The following GRIN2A variants were observed in gnomAD, a reference collection of about 807,000 sequenced individuals.
GRIN2A encodes the protein glutamate receptor ionotropic, NMDA 2A.
A neutral mutation model predicts 113.4 loss-of-function variants in GRIN2A; 22 were observed. That is an observed-to-expected ratio of 0.19 (90% CI 0.14 to 0.28). The LOEUF (loss-of-function observed/expected upper bound fraction) is 0.28. GRIN2A is among the 10% of genes least tolerant of loss of function. The pLI, the probability that GRIN2A is intolerant of heterozygous loss-of-function variation, is 1.00. For missense variants in GRIN2A, 1,502 were observed against 1,887.0 expected, an observed-to-expected ratio of 0.80 and a Z score of 3.78; for synonymous variants, 827 against 738.4, an observed-to-expected ratio of 1.12 and a Z score of -1.94.
intron 2 of GRIN2A, among the ~76,000 whole-genome samples, chr16:10,051,440 T>G (rs978375666): frequency 1.3e-5 from 2 of 152,062 alleles, no homozygotes; most frequent in Non-Finnish European, 2.9e-5. Flanking sequence ...TTCACAGGAG[T>G]ATCCCCAGAG....
chr16:10,167,908 G>C (rs537881577), intron 2 of GRIN2A, among the ~76,000 whole-genome samples: 113 of 152,316 alleles, frequency 7.4e-4, no homozygotes, highest in African/African-American at 2.6e-3. Flanking sequence ...GCCATAAGCA[G>C]ATGTTCCAAA....
intron 3 of GRIN2A, among the ~76,000 whole-genome samples, chr16:9,897,901 TG>T (rs993934873): frequency 3.9e-5 from 6 of 152,288 alleles, no homozygotes; most frequent in African/African-American, 1.4e-4. Flanking sequence ...GCCACAGAGC[TG>T]GTGCTGAACA....
intron 8 of GRIN2A, among the ~76,000 whole-genome samples, chr16:9,831,020 T>C (rs751480012): frequency 4.6e-5 from 7 of 152,184 alleles, no homozygotes; most frequent in African/African-American, 7.2e-5. Flanking sequence ...GAATTCCTGA[T>C]TCATGAATAC....
Position 10,180,667 on chromosome 16 carries a change from C to T in GRIN2A, c.-18-238G>A. ...TCCATCCCCCAGCCCCTTCTCGCATCCAGCTTCCTCATCCCCTGTCTCCAG... is the reference window on the plus strand; with the variant it reads ...TCCATCCCCCAGCCCCTTCTCGCATTCAGCTTCCTCATCCCCTGTCTCCAG... On this transcript the variant is annotated intron_variant, in intron 1 of 12. Transcript: ENST00000330684. The surrounding 1 kb of genome is among the most constrained non-coding windows in gnomAD (Gnocchi z 7.0). 3.1e-6 allele frequency: 2 copies of T among 639,956 alleles called. No individual in the cohort carries two copies. Among genetic ancestry groups the T allele is most frequent in the South Asian group, 1.9e-5 (1 of 51,388 alleles). The allele number at this position is 639,956 out of a possible 1,614,324, so 39.6% of individuals were successfully genotyped here.
At chr16:9,805,099 A>G (rs887277976) in intron 10 of GRIN2A, among the ~76,000 whole-genome samples, 2 of 152,016 alleles carry the variant, frequency 1.3e-5, no homozygotes, top group South Asian at 2.1e-4. Context: ...TGAAAGTCCA[A>G]TCCTAGCCCC....
At chr16:10,116,304 C>A (rs1056820342) in intron 2 of GRIN2A, among the ~76,000 whole-genome samples, 1 of 152,100 alleles carries the variant, frequency 6.6e-6, no homozygotes, top group Non-Finnish European at 1.5e-5. Context: ...GAACACACAC[C>A]AGAGTCTGTT....
chr16:9,967,150 G>A (rs1163070231), intron 2 of GRIN2A, among the ~76,000 whole-genome samples: 6 of 152,116 alleles, frequency 3.9e-5, no homozygotes, highest in African/African-American at 7.2e-5. Flanking sequence ...TGGTAATAAA[G>A]AATATGAATT....
intron 2 of GRIN2A, among the ~76,000 whole-genome samples, chr16:9,986,714 G>T (rs1242855798): frequency 6.9e-6 from 1 of 145,844 alleles, no homozygotes; most frequent in Non-Finnish European, 1.5e-5. Flanking sequence ...GCAATGAGCT[G>T]AGATCACGCC....
rs573118297 is a variant in GRIN2A, at chr16:10,070,029, A to G, written c.414+109969T>C. Among the ~76,000 whole-genome samples, 34 of 152,268 alleles carry G rather than the reference A, an allele frequency of 2.2e-4. No homozygotes were observed. The South Asian group carries it at 6.4e-3, about 29-fold the overall frequency. On this transcript the variant is annotated intron_variant, in intron 2 of 12. Transcript: ENST00000330684. ...TCCTACTTCTGTTTCTCTAAGCTCA[A>G]TGACAATGTTCCCCACTCCAGCAGC... is the stretch of plus-strand genomic sequence containing the variant.
chr16:9,786,353 T>A (rs1462891516), intron 11 of GRIN2A, among the ~76,000 whole-genome samples: 2 of 152,142 alleles, frequency 1.3e-5, no homozygotes, highest in African/African-American at 2.4e-5. Flanking sequence ...ACTGGCAGGG[T>A]TGAATGATCT....
At chr16:9,944,036 G>A (rs1376687220) in intron 2 of GRIN2A, among the ~76,000 whole-genome samples, 1 of 152,136 alleles carries the variant, frequency 6.6e-6, no homozygotes, top group East Asian at 1.9e-4. Flanking sequence ...GGGGCAGGAG[G>A]CTTACACCCA....
chr16:9,939,172 TTAA>T lies in GRIN2A; in HGVS notation c.415-624_415-622del, dbSNP rs547519266. 3.3e-5 allele frequency among the ~76,000 whole-genome samples: 5 copies of T among 152,266 alleles called. No homozygotes were observed. The South Asian group carries it at 1.0e-3, about 32-fold the overall frequency. On this transcript the variant is annotated intron_variant, in intron 2 of 12. Transcript: ENST00000330684. ...TTATCGAACACCTTATTAAGTGTTC[TTAA>T]TAAGAATTAAGTGGAAGACAACTTC...
intron 3 of GRIN2A, among the ~76,000 whole-genome samples, chr16:9,932,298 G>C (rs2044610973): frequency 6.6e-6 from 1 of 152,164 alleles, no homozygotes; most frequent in African/African-American, 2.4e-5. Context: ...GACATTTTTT[G>C]AATGAACAAA....
Position 9,950,588 on chromosome 16 carries a change from T to C in GRIN2A, c.415-12037A>G, listed in dbSNP as rs565965504. Among the ~76,000 whole-genome samples, 19 of 152,312 alleles carry C rather than the reference T, an allele frequency of 1.2e-4. No individual in the cohort carries two copies. The South Asian group carries it at 3.9e-3, about 32-fold the overall frequency. ...ACTTGAATAGGCTACAATGACAGCC[T>C]TCTCTAATGAGGCTACTAAGCAGAT... On this transcript the variant is annotated intron_variant, in intron 2 of 12. Coordinates refer to ENST00000330684, the MANE Select transcript of GRIN2A (RefSeq NM_001134407.3).
chr16:10,033,365 G>A (rs1690392349), intron 2 of GRIN2A, among the ~76,000 whole-genome samples: 2 of 152,258 alleles, frequency 1.3e-5, no homozygotes, highest in Admixed American at 6.5e-5. Flanking sequence ...CACAGGTGCC[G>A]CTATCAGAAA....
intron 2 of GRIN2A, among the ~76,000 whole-genome samples, chr16:10,042,518 C>G (rs1359149264): frequency 6.6e-6 from 1 of 152,202 alleles, no homozygotes. Context: ...GTACTGACCA[C>G]AGCCTCACAA....
At chr16:9,893,586 C>G (rs991059923) in intron 3 of GRIN2A, among the ~76,000 whole-genome samples, 1 of 152,192 alleles carries the variant, frequency 6.6e-6, no homozygotes, top group African/African-American at 2.4e-5. Flanking sequence ...CCTGCCTCAG[C>G]CTTCCAAGTA....
At chr16:9,831,360 C>T (rs2042489151) in intron 8 of GRIN2A, among the ~76,000 whole-genome samples, 1 of 152,130 alleles carries the variant, frequency 6.6e-6, no homozygotes, top group African/African-American at 2.4e-5. Context: ...GCAGTCCTTT[C>T]TCTTGGAAAA....
chr16:9,792,105 G>GTGTTTGTC (rs3831728), intron 11 of GRIN2A, among the ~76,000 whole-genome samples: 5 of 151,064 alleles, frequency 3.3e-5, no homozygotes, highest in African/African-American at 1.2e-4. Flanking sequence ...GTGTGTGTGT[G>GTGTTTGTC]TGTATCTTTC....
Sources: allele counts gnomAD v4.1 joint callset (sites outside exome capture counted in the v4.1 genomes callset), GRCh38; gene constraint gnomAD v4.1.1; non-coding constraint Gnocchi (gnomAD v3.1); transcripts MANE v1.5; gene names NCBI Gene and HGNC (gene_info 2026-07-23, HGNC 2026-07-21).